The following TMEM132B variants were observed in gnomAD, a reference collection of about 807,000 sequenced individuals.
TMEM132B encodes transmembrane protein 132B.
In TMEM132B, 18 loss-of-function variants were observed where a neutral mutation model predicts 90.8. The ratio of observed to expected loss-of-function variants is 0.20; its 90% confidence interval spans 0.14 to 0.29. The LOEUF is 0.29. Among genes scored for constraint, TMEM132B ranks in the 10% least tolerant of loss-of-function variants. TMEM132B has a pLI of 1.00. For missense variants in TMEM132B, 1,096 were observed against 1,326.8 expected, an observed-to-expected ratio of 0.83 and a Z score of 2.70; for synonymous variants, 504 against 523.3, an observed-to-expected ratio of 0.96 and a Z score of 0.50.
At chr12:125,648,303 T>C (rs1886819168) in intron 6 of TMEM132B, among the ~76,000 whole-genome samples, 1 of 152,064 alleles carries the variant, frequency 6.6e-6, no homozygotes, top group Admixed American at 6.5e-5. Context: ...CAGTCTATCA[T>C]TGTTGGACAT....
At chr12:125,583,158 T>G (rs1357108841) in intron 4 of TMEM132B, among the ~76,000 whole-genome samples, 1 of 152,152 alleles carries the variant, frequency 6.6e-6, no homozygotes, top group African/African-American at 2.4e-5. Flanking sequence ...AGTAGGGAAG[T>G]TGGCAGTGGG....
intron 3 of TMEM132B, among the ~76,000 whole-genome samples, chr12:125,477,837 T>A (rs1416604684): frequency 6.6e-6 from 1 of 152,158 alleles, no homozygotes; most frequent in East Asian, 1.9e-4. Context: ...CACCTCCCAG[T>A]AGGGGCCAAC....
At chr12:125,233,573 G>A (rs1459022506) in intron 1 of TMEM132B, among the ~76,000 whole-genome samples, 1 of 152,226 alleles carries the variant, frequency 6.6e-6, no homozygotes, top group Non-Finnish European at 1.5e-5. Context: ...TGCAGGGAAG[G>A]ACAGAAAAAG....
chr12:125,247,180 C>T (rs1478051442), intron 1 of TMEM132B, among the ~76,000 whole-genome samples: 1 of 152,150 alleles, frequency 6.6e-6, no homozygotes, highest in East Asian at 1.9e-4. Context: ...TCCATAATCA[C>T]CCACCCCTTT....
At chr12:125,444,435 C>T (rs1218124666) in intron 3 of TMEM132B, among the ~76,000 whole-genome samples, 1 of 152,080 alleles carries the variant, frequency 6.6e-6, no homozygotes, top group East Asian at 1.9e-4. Flanking sequence ...TTTCGATAGC[C>T]TCTTACTACT....
intron 5 of TMEM132B, among the ~76,000 whole-genome samples, chr12:125,634,703 GTC>G (rs1886441394): frequency 6.6e-6 from 1 of 152,192 alleles, no homozygotes; most frequent in Admixed American, 6.5e-5. Context: ...CCCAGGGTAT[GTC>G]TAGTAATGTT....
intron 1 of TMEM132B, among the ~76,000 whole-genome samples, chr12:125,232,724 G>T (rs1317832717): frequency 1.3e-5 from 2 of 152,124 alleles, no homozygotes; most frequent in East Asian, 3.8e-4. Flanking sequence ...TTTTCCTAAG[G>T]ACCCAAGCTT....
Position 125,435,472 on chromosome 12 carries a change from A to C in TMEM132B, c.1106+19795A>C, listed in dbSNP as rs1473694900. On this transcript the variant is annotated intron_variant, in intron 3 of 8. Coordinates refer to ENST00000682704, the MANE Select transcript of TMEM132B (RefSeq NM_001366854.1). Reference sequence around the variant, plus strand: ...GTTAGACACATCCTCCCTGGTCGCCAAGCAAGGACATACCAGCCCCAGCAT... The same window carrying C: ...GTTAGACACATCCTCCCTGGTCGCCCAGCAAGGACATACCAGCCCCAGCAT... Among the ~76,000 whole-genome samples, 9 of 152,170 alleles carry C rather than the reference A, an allele frequency of 5.9e-5. No individual in the cohort carries two copies. The South Asian group carries it at 1.4e-3, about 24-fold the overall frequency.
chr12:125,486,662 T>C (rs1033810970), intron 3 of TMEM132B, among the ~76,000 whole-genome samples: 130 of 152,336 alleles, frequency 8.5e-4, no homozygotes, highest in African/African-American at 3.1e-3. Flanking sequence ...TTGAATGATA[T>C]TGACTTCTAA....
chr12:125,287,971 G>A (rs1340088651), intron 1 of TMEM132B, among the ~76,000 whole-genome samples: 1 of 151,962 alleles, frequency 6.6e-6, no homozygotes, highest in Non-Finnish European at 1.5e-5. Context: ...GGGTTCAAGC[G>A]ATTCTCCTGC....
chr12:125,267,867 G>A (rs1874732753), intron 1 of TMEM132B, among the ~76,000 whole-genome samples: 1 of 152,176 alleles, frequency 6.6e-6, no homozygotes, highest in Non-Finnish European at 1.5e-5. Context: ...TTCGGTGTAA[G>A]AAATGCAGTG....
chr12:125,313,501 TTCTC>T (rs1876169659), intron 1 of TMEM132B, among the ~76,000 whole-genome samples: 1 of 141,584 alleles, frequency 7.1e-6, no homozygotes, highest in African/African-American at 2.6e-5. Flanking sequence ...CTCCTTCCCT[TTCTC>T]TCTCCCTTCC....
chr12:125,271,622 T>G (rs183906357), intron 1 of TMEM132B, among the ~76,000 whole-genome samples: 48 of 152,274 alleles, frequency 3.2e-4, no homozygotes, highest in African/African-American at 1.1e-3. Context: ...GTCTTTTATA[T>G]TTTCAACAGT....
intron 3 of TMEM132B, among the ~76,000 whole-genome samples, chr12:125,468,052 A>G (rs1406886239): frequency 1.3e-5 from 2 of 151,894 alleles, no homozygotes; most frequent in Non-Finnish European, 2.9e-5. Flanking sequence ...GCTATTGTGA[A>G]TAATGCTGCT....
intron 3 of TMEM132B, among the ~76,000 whole-genome samples, chr12:125,440,428 C>A (rs755620601): frequency 5.3e-5 from 8 of 152,148 alleles, no homozygotes; most frequent in Non-Finnish European, 4.4e-5. Flanking sequence ...TCACTTGGAT[C>A]TTGCTATAAA....
At chr12:125,494,478 TC>T (rs1295408044) in intron 3 of TMEM132B, among the ~76,000 whole-genome samples, 1 of 82,100 alleles carries the variant, frequency 1.2e-5, no homozygotes, top group Non-Finnish European at 2.3e-5. Flanking sequence ...GATGCGTCCC[TC>T]CTCCCCCTCT....
intron 3 of TMEM132B, among the ~76,000 whole-genome samples, chr12:125,435,545 C>G (rs1220757838): frequency 6.6e-6 from 1 of 152,182 alleles, no homozygotes; most frequent in Non-Finnish European, 1.5e-5. Flanking sequence ...ATTACAGAGC[C>G]CTCCCAAGAG....
At chr12:125,398,935 T>C (rs1264370805) in intron 2 of TMEM132B, among the ~76,000 whole-genome samples, 4 of 152,200 alleles carry the variant, frequency 2.6e-5, no homozygotes, top group African/African-American at 9.6e-5. Flanking sequence ...TGCTTCAAGC[T>C]GATTCAGTTG....
rs1197924290 is a variant in TMEM132B at position 125,593,811 on chromosome 12, A to G, written c.1437+9817A>G. ...TATAAATTAAGTAGATCACATAATT[A>G]TAAGATGTAGACAACGGTATGAATG... On this transcript the variant is annotated intron_variant, in intron 5 of 8. Coordinates refer to ENST00000682704, the MANE Select transcript of TMEM132B (RefSeq NM_001366854.1). Among the ~76,000 whole-genome samples, 8 of 152,352 alleles carry G rather than the reference A, an allele frequency of 5.3e-5. 1 individual carries two copies. The Middle Eastern group carries it at 0.01, about 194-fold the overall frequency.
Sources: gnomAD v4.1 joint callset for allele counts (sites outside exome capture counted in the v4.1 genomes callset) on GRCh38, gnomAD v4.1.1 for gene constraint, MANE v1.5 for transcripts, NCBI Gene and HGNC (gene_info 2026-07-23, HGNC 2026-07-21) for gene names.